The following ODAD2 variants were observed in gnomAD, a reference collection of about 807,000 sequenced individuals.
The protein encoded by ODAD2 is outer dynein arm-docking complex subunit 2.
In ODAD2, 89 loss-of-function variants were observed where a neutral mutation model predicts 106.8. The ratio of observed to expected loss-of-function variants is 0.83; its 90% CI spans 0.70 to 0.99. The LOEUF (loss-of-function observed/expected upper bound fraction) is 0.99, where lower values mean the gene tolerates loss of function less well. Among genes scored for constraint, ODAD2 ranks in the 50% least tolerant of loss-of-function variants. The pLI is 0.00. For missense variants in ODAD2, 1,168 were observed against 1,238.5 expected, an observed-to-expected ratio of 0.94 and a Z score of 0.85; for synonymous variants, 404 against 436.2, an observed-to-expected ratio of 0.93 and a Z score of 0.92.
intron 1 of ODAD2, among the ~76,000 whole-genome samples, chr10:27,998,660 G>A (rs1408888422): frequency 6.6e-6 from 1 of 151,978 alleles, no homozygotes; most frequent in Non-Finnish European, 1.5e-5. Context: ...AGGGAAGGGG[G>A]CGGGTCTTGG....
intron 2 of ODAD2, among the ~76,000 whole-genome samples, chr10:27,988,416 C>T (rs1336057637): frequency 6.7e-6 from 1 of 149,698 alleles, no homozygotes; most frequent in African/African-American, 2.5e-5. Context: ...CGGGTCACTG[C>T]AACCTCTGCC....
At chr10:27,969,870 C>A (rs972022951) in intron 8 of ODAD2, among the ~76,000 whole-genome samples, 9 of 152,152 alleles carry the variant, frequency 5.9e-5, no homozygotes, top group Non-Finnish European at 7.3e-5. Flanking sequence ...CTTTGGGAGG[C>A]AGAAGTGGGC....
rs763662864 is a variant in ODAD2 at position 27,935,248 on chromosome 10, G to A, written c.2257C>T (p.Arg753Trp). The A allele has an allele frequency of 2.7e-5, 43 of 1,613,488 alleles. No individual in the cohort carries two copies. The East Asian group carries it at 3.3e-4, about 13-fold the overall frequency. ...AAGGTTTCAATGGCTTTGTATTCCC[G>A]AAACCTAAGTTCATCATAAGAAAGA... Reference protein sequence around the residue: ...SISKENVTKFREYKAIETLVG... With the variant: ...SISKENVTKFWEYKAIETLVG... The change falls in exon 16 of 20, where the codon CGG becomes TGG. Residue 753 changes from arginine (R) to tryptophan (W), a missense_variant. Around this residue, in one of 3 missense-constraint regions of ODAD2, gnomAD observed 701 missense variants for 712.3 expected, o/e 0.98. Coordinates refer to ENST00000305242, the MANE Select transcript of ODAD2 (RefSeq NM_018076.5).
chr10:27,937,264 G>C (rs1379488251), intron 14 of ODAD2, among the ~76,000 whole-genome samples: 1 of 151,978 alleles, frequency 6.6e-6, no homozygotes, highest in Non-Finnish European at 1.5e-5. Flanking sequence ...TGAGTGATAG[G>C]GATTTGGTCA....
intron 10 of ODAD2, among the ~76,000 whole-genome samples, chr10:27,951,424 G>A (rs967964610): frequency 4.7e-5 from 5 of 106,878 alleles, no homozygotes; most frequent in Non-Finnish European, 6.2e-5. Context: ...TTAATGCAAA[G>A]AGAAAATCCA....
chr10:27,986,920 A>G (rs566885162), intron 3 of ODAD2, among the ~76,000 whole-genome samples: 63 of 152,376 alleles, frequency 4.1e-4, no homozygotes, highest in Middle Eastern at 3.4e-3. Context: ...AAGGGAGACT[A>G]TTAAAGGCTG....
In ODAD2 at chr10:27,841,748, T is replaced by C. The variant is rs184617399; in HGVS notation, c.3021+18877A>G. Among the ~76,000 whole-genome samples the C allele has an allele frequency of 3.8e-3, 574 of 152,072 alleles. 3 individuals carry two copies. The highest frequency in any genetic ancestry group is 0.013 in the African/African-American group (531 of 41,476). ...CCCTATACACCTCCAAGAGTGATCA[T>C]CTTTTTTTGTTTGTTTTTTGTTTAG... On this transcript the variant is annotated intron_variant, in intron 19 of 19. Transcript: ENST00000305242.
At chr10:27,860,981 G>C in intron 18 of ODAD2, 135 bp from the exon 19 acceptor site, 1 of 714,468 alleles carries the variant, frequency 1.4e-6, no homozygotes. Flanking sequence ...TGACTACCTA[G>C]GTGATGTTTT....
intron 19 of ODAD2, among the ~76,000 whole-genome samples, chr10:27,839,856 G>A (rs766245314): frequency 7.2e-5 from 11 of 152,130 alleles, no homozygotes; most frequent in Admixed American, 2.0e-4. Flanking sequence ...CAGGTTGACA[G>A]TATAATAGTA....
Position 27,935,199 on chromosome 10 carries a change from G to T in ODAD2, c.2306C>A (p.Pro769His), listed in dbSNP as rs117515566. The part of the protein sequence containing the change: ...ETLVGLLTDQ[P>H]EEVLVNVVGA... Reference sequence around the variant, plus strand: ...AACCACATTCACAAGTACTTCTTCAGGCTGATCTGTTAGAAGTCCCACCAA... The same window carrying T: ...AACCACATTCACAAGTACTTCTTCATGCTGATCTGTTAGAAGTCCCACCAA... Residue 769 changes from proline to histidine, a missense_variant, in exon 16 of 20, where the codon CCT (proline) becomes CAT (histidine). Coordinates refer to ENST00000305242, the MANE Select transcript of ODAD2 (RefSeq NM_018076.5). 160 of 1,613,932 alleles carry T rather than the reference G, an allele frequency of 9.9e-5. No homozygotes were observed. In the East Asian group the frequency reaches 3.5e-3, roughly 35 times the overall value.
intron 19 of ODAD2, among the ~76,000 whole-genome samples, chr10:27,842,198 A>G (rs558537314): frequency 6.6e-6 from 1 of 152,068 alleles, no homozygotes; most frequent in African/African-American, 2.4e-5. Context: ...TATTTTGTCC[A>G]TTTACATGTT....
At chr10:27,964,775 T>A (rs1848384461) in intron 9 of ODAD2, among the ~76,000 whole-genome samples, 1 of 152,216 alleles carries the variant, frequency 6.6e-6, no homozygotes, top group Admixed American at 6.5e-5. Context: ...AGAAAATTTT[T>A]ATTTCTGCGT....
Position 27,987,425 on chromosome 10 carries a change from T to G in ODAD2, c.343A>C (p.Lys115Gln), listed in dbSNP as rs545087412. The change falls in exon 3 of 20, where the codon AAA (lysine) becomes CAA (glutamine). Residue 115 changes from lysine to glutamine, a missense_variant. Transcript: ENST00000305242. ...TGGGCTTCCTTCAACTTCCCAGTTT[T>G]GGCAATAAGTAACAAGCGTGACAGC... ...GQLSRLLLIAKTGKLKEAQAC... is the reference protein window; with the variant it reads ...GQLSRLLLIAQTGKLKEAQAC... The G allele has an allele frequency of 3.1e-6, 5 of 1,613,738 alleles. No homozygotes were observed. The South Asian group carries it at 4.4e-5, about 14-fold the overall frequency.
intron 10 of ODAD2, among the ~76,000 whole-genome samples, chr10:27,951,115 A>AG (rs1180384003): frequency 6.6e-6 from 1 of 152,220 alleles, no homozygotes; most frequent in African/African-American, 2.4e-5. Context: ...AATTATGTAA[A>AG]AGATTAAATG....
intron 10 of ODAD2, among the ~76,000 whole-genome samples, chr10:27,950,310 A>G (rs1249523325): frequency 6.6e-6 from 1 of 152,182 alleles, no homozygotes; most frequent in East Asian, 1.9e-4. Flanking sequence ...GTGAGTGCTC[A>G]CAGTGAGTGG....
chr10:27,934,405 A>G (rs898872113), intron 16 of ODAD2, among the ~76,000 whole-genome samples: 1 of 150,142 alleles, frequency 6.7e-6, no homozygotes, highest in Non-Finnish European at 1.5e-5. Context: ...ATATGTCTTT[A>G]TACATATATG....
intron 10 of ODAD2, among the ~76,000 whole-genome samples, chr10:27,950,473 T>C (rs931952756): frequency 2.0e-5 from 3 of 152,224 alleles, no homozygotes; most frequent in Non-Finnish European, 4.4e-5. Flanking sequence ...AAGAAAAATA[T>C]ACATATATCC....
chr10:27,912,345 T>G (rs981103707), intron 16 of ODAD2, among the ~76,000 whole-genome samples: 1 of 152,188 alleles, frequency 6.6e-6, no homozygotes, highest in African/African-American at 2.4e-5. Context: ...GAAATCAAAC[T>G]GCCTGGCTGG....
At chr10:27,968,831 C>G in intron 9 of ODAD2, 92 bp downstream of exon 9, 1 of 385,642 alleles carries the variant, frequency 2.6e-6, no homozygotes, top group South Asian at 2.3e-5. Flanking sequence ...ATCTGGGGAC[C>G]CTAATAGGAA....
Sources: allele counts gnomAD v4.1 joint callset (sites outside exome capture counted in the v4.1 genomes callset), GRCh38; gene constraint gnomAD v4.1.1; regional missense constraint gnomAD v4.1.1; transcripts MANE v1.5; gene names NCBI Gene and HGNC (gene_info 2026-07-23, HGNC 2026-07-21).